Variants in GIMAP6 observed in about 807,000 individuals in gnomAD.
GIMAP6 encodes GTPase, IMAP family member 6.
Under a neutral mutation model 9.3 loss-of-function variants are expected in GIMAP6, and 6 were observed. The observed-to-expected ratio is 0.65, with a 90% CI of 0.35 to 1.27. GIMAP6 has a LOEUF of 1.27. GIMAP6 is among the 50% of genes most tolerant of loss of function. The probability of loss-of-function intolerance (pLI) is 0.03; values close to 1 mark genes in which losing one functional copy is unlikely to be tolerated. For missense variants in GIMAP6, 333 were observed against 359.5 expected (o/e 0.93, Z 0.60); for synonymous variants, 156 against 151.1 (o/e 1.03, Z -0.24).
At chr7:150,631,066 A>C (rs1001840303) in intron 1 of GIMAP6, among the ~76,000 whole-genome samples, 1 of 152,178 alleles carries the variant, frequency 6.6e-6, no homozygotes, top group Non-Finnish European at 1.5e-5. Context: ...GTTTTTCCAG[A>C]TCATGTAGGA....
At position 150,630,090 on chromosome 7, in the gene GIMAP6, A is replaced by T; in HGVS notation, c.53T>A (p.Leu18Gln). Residue 18 changes from leucine (L) to glutamine (Q), a missense_variant, in exon 2 of 3, where the codon CTG (leucine) becomes CAG (glutamine). Coordinates refer to ENST00000328902, the MANE Select transcript of GIMAP6 (RefSeq NM_024711.6). ...QIPQENPPEE[L>Q]SQDPVLELSG... is the part of the protein sequence containing the mutation. ...CAGCTCCAGCACAGGATCCTGGGAC[A>T]GCTCTTCTGGGGGATTCTCCTGGGG... 6.3e-7 allele frequency: 1 copy of T among 1,586,210 alleles called. No individual in the cohort carries two copies. The highest frequency in any genetic ancestry group is 1.4e-5 in the African/African-American group (1 of 71,928).
In GIMAP6 at chr7:150,627,812, C is replaced by T. The variant is rs778580833; in HGVS notation, c.786G>A (p.Val262=). Residue 262 remains valine, a synonymous_variant, in exon 3 of 3, where the codon GTG becomes GTA. Coordinates refer to ENST00000328902, the MANE Select transcript of GIMAP6 (RefSeq NM_024711.6). ...QVSQGQGSED[V]PGEESWLEGL... ...CTTCCAGCCAAGACTCCTCACCAGGCACGTCCTCAGAGCCTTGGCCCTGGC... is the reference window on the plus strand; with the variant it reads ...CTTCCAGCCAAGACTCCTCACCAGGTACGTCCTCAGAGCCTTGGCCCTGGC... 10 of 1,614,254 alleles carry T rather than the reference C, an allele frequency of 6.2e-6. No homozygotes were observed. The Middle Eastern group carries it at 4.9e-4, about 80-fold the overall frequency.
chr7:150,631,989 C>G (rs1290499918), intron 1 of GIMAP6, among the ~76,000 whole-genome samples, 180 bp downstream of exon 1: 1 of 151,854 alleles, frequency 6.6e-6, no homozygotes, highest in African/African-American at 2.4e-5. Context: ...TACACAAACA[C>G]AAATATACAT....
Position 150,627,859 on chromosome 7 carries a change from C to A in GIMAP6, c.739G>T (p.Glu247Ter). The A allele has an allele frequency of 6.2e-7, 1 of 1,614,262 alleles. No individual in the cohort carries two copies. The highest frequency in any genetic ancestry group is 1.7e-5 in the Admixed American group (1 of 60,028). The change falls in exon 3 of 3, where the codon GAA (glutamate) becomes TAA (stop). Residue 247 changes from glutamate to a stop codon, truncating the protein, a stop_gained. Coordinates refer to ENST00000328902, the MANE Select transcript of GIMAP6 (RefSeq NM_024711.6). LOFTEE classifies it low-confidence loss of function (END_TRUNC). ...QYTQQNFRLK[E>*]LQERQVSQGQ... ...TGGCTTACTTGCCTTTCCTGTAGTT[C>A]TTTCAGCCGAAAGTTTTGCTGGGTA...
At chr7:150,631,693 C>G (rs571828447) in intron 1 of GIMAP6, among the ~76,000 whole-genome samples, 1 of 152,320 alleles carries the variant, frequency 6.6e-6, no homozygotes. Context: ...GGAATGGCAC[C>G]TCCCATGTTG....
In GIMAP6 at chr7:150,630,146, C is replaced by CAA. The variant is rs58764098; in HGVS notation, c.1-6_1-5dup. 6.3e-3 allele frequency: 5,911 copies of CAA among 933,128 alleles called. 69 individuals carry two copies. The highest frequency in any genetic ancestry group is 0.041 in the South Asian group (1,696 of 40,942). The allele number at this position is 933,128 out of a possible 1,614,324, so 57.8% of individuals were successfully genotyped here. On this transcript the variant is annotated splice_polypyrimidine_tract_variant and splice_region_variant and intron_variant, in intron 1 of 2. Transcript: ENST00000328902. ...GTTCATATTCTTCTTCCTCCATCTACAAAAAAAAAAAAAAAAAAAAAATCA... is the reference window on the plus strand; with the variant it reads ...GTTCATATTCTTCTTCCTCCATCTACAAAAAAAAAAAAAAAAAAAAAAAATCA...
intron 2 of GIMAP6, chr7:150,628,820 T>G: frequency 1.6e-6 from 2 of 1,216,122 alleles, no homozygotes; most frequent in African/African-American, 1.5e-5. Flanking sequence ...GGGAATTCCC[T>G]TCTCCTGGCC....
chr7:150,628,097 G>A lies in GIMAP6; in HGVS notation c.501C>T (p.Asp167=), dbSNP rs1408493110. ...HTILVFTRKE[D]LAGGSLEDYV... ...AGTCTTCCAGGGAGCCGCCAGCCAG[G>A]TCTTCCTTCCGGGTGAACACCAGGA... is the stretch of plus-strand genomic sequence containing the variant. Residue 167 remains aspartate, a synonymous_variant, in exon 3 of 3, where the codon GAC becomes GAT. Transcript: ENST00000328902. 1.4e-5 allele frequency: 22 copies of A among 1,614,200 alleles called. No homozygotes were observed. The highest frequency in any genetic ancestry group is 2.2e-5 in the East Asian group (1 of 44,870).
intron 2 of GIMAP6, among the ~76,000 whole-genome samples, chr7:150,628,996 C>A (rs1169869764): frequency 6.6e-6 from 1 of 152,238 alleles, no homozygotes. Context: ...CACCAACAGG[C>A]CTTGCTGTGG....
At position 150,626,081 on chromosome 7, in the gene GIMAP6, A is replaced by T. The variant is rs986882681; in HGVS notation, c.*1638T>A. On this transcript the variant is annotated 3_prime_UTR_variant, in exon 3 of 3. Transcript: ENST00000328902. ...ACTTTTCTGAATCTGTTAGCAAGAG[A>T]AATGCTGAAGCTTTCTCAGATGTCT... 1 of 152,212 alleles carries T rather than the reference A, an allele frequency of 6.6e-6. No homozygotes were observed. The highest frequency in any genetic ancestry group is 2.4e-5 in the African/African-American group (1 of 41,438). The allele number at this position is 152,212 out of a possible 1,614,324, so 9.4% of individuals were successfully genotyped here.
chr7:150,627,161 C>G lies in GIMAP6; in HGVS notation c.*558G>C, dbSNP rs1457748775. The G allele has an allele frequency of 6.2e-6, 1 of 160,894 alleles. No individual in the cohort carries two copies. Among genetic ancestry groups the G allele is most frequent in the African/African-American group, 2.4e-5 (1 of 41,542 alleles). The allele number at this position is 160,894 out of a possible 1,614,324, so 10.0% of individuals were successfully genotyped here. A position where few individuals can be genotyped will look rare whatever the true frequency, so the allele number is the denominator to read the frequency against. Reference sequence around the variant, plus strand: ...TCCCTGTTCCTGCTTGCTCTCCTCCCAGCCCAGTCTCCAACCCTCCCCACC... The same window carrying G: ...TCCCTGTTCCTGCTTGCTCTCCTCCGAGCCCAGTCTCCAACCCTCCCCACC... On this transcript the variant is annotated 3_prime_UTR_variant, in exon 3 of 3. Transcript: ENST00000328902.
At chr7:150,628,757 C>T in intron 2 of GIMAP6, 1 of 1,443,266 alleles carries the variant, frequency 6.9e-7, no homozygotes, top group Non-Finnish European at 9.1e-7. Flanking sequence ...CAATAGAACA[C>T]CAAGAAACCC....
chr7:150,630,113 G>A lies in GIMAP6; in HGVS notation c.30C>T (p.Pro10=). MEEEEYEQI[P]QENPPEELSQ... is the part of the protein sequence containing the mutation. Reference sequence around the variant, plus strand: ...ACAGCTCTTCTGGGGGATTCTCCTGGGGAATTTGTTCATATTCTTCTTCCT... The same window carrying A: ...ACAGCTCTTCTGGGGGATTCTCCTGAGGAATTTGTTCATATTCTTCTTCCT... The change falls in exon 2 of 3, where the codon CCC becomes CCT. Residue 10 remains proline, a synonymous_variant. Transcript: ENST00000328902. 2 of 1,567,864 alleles carry A rather than the reference G, an allele frequency of 1.3e-6. No homozygotes were observed. Among genetic ancestry groups the A allele is most frequent in the Non-Finnish European group, 1.7e-6 (2 of 1,164,208 alleles).
At chr7:150,629,321 G>A (rs535326163) in intron 2 of GIMAP6, among the ~76,000 whole-genome samples, 1 of 152,298 alleles carries the variant, frequency 6.6e-6, no homozygotes, top group African/African-American at 2.4e-5. Context: ...TGTTACACAG[G>A]TATTGGTAAT....
rs758709854 is a variant in GIMAP6, at chr7:150,628,415, G to A, written c.183C>T (p.Leu61=). The change falls in exon 3 of 3, where the codon CTC becomes CTT. Residue 61 remains leucine (L), a synonymous_variant. Coordinates refer to ENST00000328902, the MANE Select transcript of GIMAP6 (RefSeq NM_024711.6). ...GTTTAGACTCGAAGACGTCCCTGCCGAGGATGCTGTTTCCTGTTGCACTCT... is the reference window on the plus strand; with the variant it reads ...GTTTAGACTCGAAGACGTCCCTGCCAAGGATGCTGTTTCCTGTTGCACTCT... ...SGKSATGNSI[L]GRDVFESKLS... is the part of the protein sequence containing the mutation. 65 of 1,614,178 alleles carry A rather than the reference G, an allele frequency of 4.0e-5. 1 individual carries two copies. The Middle Eastern group carries it at 6.6e-4, about 16-fold the overall frequency.
chr7:150,630,483 G>A (rs534904045), intron 1 of GIMAP6, among the ~76,000 whole-genome samples: 1 of 152,280 alleles, frequency 6.6e-6, no homozygotes, highest in South Asian at 2.1e-4. Context: ...TGGGAGGTGG[G>A]GGGAGGTGGA....
intron 2 of GIMAP6, among the ~76,000 whole-genome samples, chr7:150,628,955 A>C (rs563143143): frequency 4.6e-5 from 7 of 152,254 alleles, no homozygotes; most frequent in Non-Finnish European, 8.8e-5. Context: ...ATGTGGCAGC[A>C]TGGGCGTGGC....
In GIMAP6 at chr7:150,628,106, C is replaced by G. The variant is rs752898935; in HGVS notation, c.492G>C (p.Arg164=). ...VLGHTILVFT[R]KEDLAGGSLE... is the part of the protein sequence containing the mutation. ...GGGAGCCGCCAGCCAGGTCTTCCTT[C>G]CGGGTGAACACCAGGATGGTGTGAC... Residue 164 remains arginine (R), a synonymous_variant, in exon 3 of 3, where the codon CGG becomes CGC. Coordinates refer to ENST00000328902, the MANE Select transcript of GIMAP6 (RefSeq NM_024711.6). The G allele has an allele frequency of 1.2e-6, 2 of 1,614,208 alleles. No individual in the cohort carries two copies. The highest frequency in any genetic ancestry group is 1.7e-6 in the Non-Finnish European group (2 of 1,180,040).
chr7:150,628,164 C>T lies in GIMAP6; in HGVS notation c.434G>A (p.Arg145His), dbSNP rs148187154. 17 of 1,614,098 alleles carry T rather than the reference C, an allele frequency of 1.1e-5. 1 individual carries two copies. Among genetic ancestry groups the T allele is most frequent in the African/African-American group, 8.0e-5 (6 of 74,948 alleles). Residue 145 changes from arginine (R) to histidine (H), a missense_variant, in exon 3 of 3, where the codon CGC becomes CAC. By Grantham distance (29) the Arg-to-His change is conservative. Transcript: ENST00000328902. ...FTDEDQQVVR[R>H]LQEVFGVGVL... is the part of the protein sequence containing the mutation. ...CCCCACTCCAAAGACCTCCTGCAGG[C>T]GCCTGACCACCTGCTGATCCTCATC...
Sources: gnomAD v4.1 joint callset for allele counts (sites outside exome capture counted in the v4.1 genomes callset) on GRCh38, gnomAD v4.1.1 for gene constraint, MANE v1.5 for transcripts, NCBI Gene and HGNC (gene_info 2026-07-23, HGNC 2026-07-21) for gene names.